The following TAAR5 variants were observed in gnomAD, a reference collection of about 807,000 sequenced individuals.
TAAR5 encodes trace amine associated receptor 5.
In TAAR5, 27 loss-of-function variants were observed where a neutral mutation model predicts 21.1. That is an observed-to-expected ratio of 1.28 (90% confidence interval 0.94 to 1.76). The LOEUF (loss-of-function observed/expected upper bound fraction) is 1.76. Among genes scored for constraint, TAAR5 ranks in the 40% most tolerant of loss-of-function variants. TAAR5 has a pLI of 0.00. For synonymous variants in TAAR5, 203 were observed against 167.5 expected, an observed-to-expected ratio of 1.21 and a Z score of -1.64; for missense variants, 495 against 405.6, an observed-to-expected ratio of 1.22 and a Z score of -1.89.
In TAAR5 at chr6:132,589,597, A is replaced by C; in HGVS notation, c.90T>G (p.Thr30=). The change falls in exon 1 of 1, where the codon ACT becomes ACG. Residue 30 remains threonine (T), a synonymous_variant. Transcript: ENST00000258034. The part of the protein sequence containing the change: ...VNGSCPRTVH[T]LGIQLVIYLA... ...GGTAGATGACCAACTGGATGCCCAG[A>C]GTATGTACTGTCCTGGGGCAAGACC... The C allele has an allele frequency of 3.7e-6, 6 of 1,613,968 alleles. No homozygotes were observed. Among genetic ancestry groups the C allele is most frequent in the Non-Finnish European group, 5.1e-6 (6 of 1,179,954 alleles).
chr6:132,608,832 C>T, the TAAR5 span: 1 of 455,924 alleles, frequency 2.2e-6, no homozygotes, highest in South Asian at 1.5e-5. Context: ...CCAGCAGTTG[C>T]TTTATGGTGG....
the TAAR5 span, among the ~76,000 whole-genome samples, chr6:132,599,232 G>C: frequency 2.0e-5 from 3 of 150,214 alleles, no homozygotes; most frequent in African/African-American, 7.3e-5. Flanking sequence ...GCTTCAAGGA[G>C]TTTCCATTGA....
chr6:132,603,150 A>G, the TAAR5 span, among the ~76,000 whole-genome samples: 1 of 151,880 alleles, frequency 6.6e-6, no homozygotes, highest in East Asian at 1.9e-4. Context: ...TAAAAGTAAA[A>G]AATTGGCCTG....
the TAAR5 span, among the ~76,000 whole-genome samples, chr6:132,616,558 C>T: frequency 6.6e-6 from 1 of 152,174 alleles, no homozygotes; most frequent in Non-Finnish European, 1.5e-5. Flanking sequence ...CCCAGTTACT[C>T]AGTTTGCCAT....
chr6:132,606,567 A>G, the TAAR5 span, among the ~76,000 whole-genome samples: 31 of 152,226 alleles, frequency 2.0e-4, no homozygotes, highest in African/African-American at 7.5e-4. Context: ...AGACTGGATT[A>G]TCCTTTGGTA....
the TAAR5 span, among the ~76,000 whole-genome samples, chr6:132,607,333 C>T: frequency 3.1e-4 from 47 of 152,144 alleles, 1 homozygote; most frequent in Admixed American, 1.5e-3. Flanking sequence ...ACATGACTGA[C>T]ATGTGTGCTC....
At position 132,588,780 on chromosome 6, in the gene TAAR5, TG is replaced by T. The variant is rs1776851609; in HGVS notation, c.906del (p.Ile303SerfsTer14). The T allele has an allele frequency of 7.4e-6, 12 of 1,614,118 alleles. No individual in the cohort carries two copies. The East Asian group carries it at 2.7e-4, about 36-fold the overall frequency. ...WFAYFNSACNPIIYVFSYQWF... is the reference protein window; with the variant it reads ...WFAYFNSACNXIIYVFSYQWF... ...CACTGGTAGGAAAAGACATAGATGA[TG>T]GGGTTGCAGGCTGAGTTGAAGTAAG... On this transcript the variant is annotated frameshift_variant, in exon 1 of 1. Coordinates refer to ENST00000258034, the MANE Select transcript of TAAR5 (RefSeq NM_003967.3). LOFTEE classifies it high-confidence loss of function.
chr6:132,591,216 T>C (rs1384154339), upstream of TAAR5, among the ~76,000 whole-genome samples: 1 of 152,206 alleles, frequency 6.6e-6, no homozygotes, highest in East Asian at 1.9e-4. Context: ...ATTATCAAGG[T>C]AAATAACATG....
Position 132,588,648 on chromosome 6 carries a change from C to A in TAAR5, c.*25G>T. The stretch of plus-strand genomic sequence containing the variant: ...CTTATCTTTCCTGTGAGGTCCTACT[C>A]CTTGCCTGCATTTAGTAGAAGGAAT... On this transcript the variant is annotated 3_prime_UTR_variant, in exon 1 of 1. Coordinates refer to ENST00000258034, the MANE Select transcript of TAAR5 (RefSeq NM_003967.3). The A allele has an allele frequency of 1.3e-6, 2 of 1,588,734 alleles. No homozygotes were observed. The highest frequency in any genetic ancestry group is 1.2e-5 in the South Asian group (1 of 85,734).
the TAAR5 span, among the ~76,000 whole-genome samples, chr6:132,615,283 AT>A: frequency 1.3e-4 from 20 of 152,332 alleles, no homozygotes; most frequent in Middle Eastern, 3.4e-3. Context: ...TGTGGGCTCA[AT>A]TAAATGCTGG....
chr6:132,614,826 G>C, the TAAR5 span, among the ~76,000 whole-genome samples: 3 of 152,014 alleles, frequency 2.0e-5, no homozygotes, highest in African/African-American at 7.2e-5. Context: ...AATACCCTGG[G>C]TTTTTTGTTC....
chr6:132,588,880 G>C lies in TAAR5; in HGVS notation c.807C>G (p.Thr269=). 6.2e-7 allele frequency: 1 copy of C among 1,614,108 alleles called. No individual in the cohort carries two copies. Among genetic ancestry groups the C allele is most frequent in the Non-Finnish European group, 8.5e-7 (1 of 1,180,002 alleles). ...GGAGGCTGTCGACCATCGTGTCTAT[G>C]GTGAAGGGCAGCCAGCACAAGAGGT... ...GIYLLCWLPF[T]IDTMVDSLLH... is the part of the protein sequence containing the mutation. The change falls in exon 1 of 1, where the codon ACC becomes ACG. Residue 269 remains threonine, a synonymous_variant. Coordinates refer to ENST00000258034, the MANE Select transcript of TAAR5 (RefSeq NM_003967.3).
chr6:132,597,879 A>C, the TAAR5 span, among the ~76,000 whole-genome samples: 2 of 152,234 alleles, frequency 1.3e-5, no homozygotes, highest in South Asian at 4.1e-4. Flanking sequence ...AGAACTCTGA[A>C]ATAATAATTT....
chr6:132,590,691 G>T (rs1412034278), upstream of TAAR5, among the ~76,000 whole-genome samples: 1 of 152,168 alleles, frequency 6.6e-6, no homozygotes, highest in Non-Finnish European at 1.5e-5. Context: ...GACCTAGTTT[G>T]CACTATTTGC....
At chr6:132,609,260 A>G in the TAAR5 span, 2 of 329,650 alleles carry the variant, frequency 6.1e-6, no homozygotes, top group Non-Finnish European at 1.2e-5. Context: ...GTCTTCGGGA[A>G]TATAAGTTAG....
chr6:132,602,016 G>A, the TAAR5 span, among the ~76,000 whole-genome samples: 1 of 152,042 alleles, frequency 6.6e-6, no homozygotes, highest in Non-Finnish European at 1.5e-5. Flanking sequence ...TTGAATGAAT[G>A]TGCTGAATTT....
chr6:132,613,179 G>A, the TAAR5 span, among the ~76,000 whole-genome samples: 1 of 152,264 alleles, frequency 6.6e-6, no homozygotes, highest in Non-Finnish European at 1.5e-5. Flanking sequence ...ATTCCACAGT[G>A]GGGCATCTGT....
chr6:132,612,779 CA>C, the TAAR5 span, among the ~76,000 whole-genome samples: 2 of 152,124 alleles, frequency 1.3e-5, no homozygotes, highest in Admixed American at 1.3e-4. Context: ...TTAAAACTCA[CA>C]TACTCTCAAA....
At chr6:132,602,298 A>T in the TAAR5 span, among the ~76,000 whole-genome samples, 2 of 152,180 alleles carry the variant, frequency 1.3e-5, no homozygotes, top group African/African-American at 4.8e-5. Context: ...ATAATTATAC[A>T]ACTCACCATA....
Sources: allele counts gnomAD v4.1 joint callset (sites outside exome capture counted in the v4.1 genomes callset), GRCh38; gene constraint gnomAD v4.1.1; transcripts MANE v1.5; gene names NCBI Gene and HGNC (gene_info 2026-07-23, HGNC 2026-07-21).